LRMDA: variants seen among roughly 807,000 people sequenced by gnomAD.
The protein encoded by LRMDA is leucine-rich melanocyte differentiation-associated protein.
A neutral mutation model predicts 29.8 loss-of-function variants in LRMDA; 18 were observed. The ratio of observed to expected loss-of-function variants is 0.60; its 90% CI spans 0.42 to 0.90. LRMDA has a LOEUF of 0.90. Ranked by LOEUF, LRMDA falls within the 40% of genes least tolerant of loss-of-function variation. The probability of loss-of-function intolerance (pLI) is 0.00; values close to 1 mark genes in which losing one functional copy is unlikely to be tolerated. For missense variants in LRMDA, 273 were observed against 273.9 expected (o/e 1.00, Z 0.02); for synonymous variants, 125 against 109.4 (o/e 1.14, Z -0.89).
intron 6 of LRMDA, among the ~76,000 whole-genome samples, chr10:76,495,199 T>G (rs576324331): frequency 2.8e-4 from 43 of 151,608 alleles, no homozygotes; most frequent in Non-Finnish European, 5.2e-4. Context: ...ATGGAGGTTC[T>G]TTTCATTTCT....
intron 5 of LRMDA, among the ~76,000 whole-genome samples, chr10:76,217,560 G>A (rs1851750831): frequency 6.6e-6 from 1 of 152,146 alleles, no homozygotes; most frequent in African/African-American, 2.4e-5. Flanking sequence ...GCACAACTTG[G>A]GAACTTCTGG....
intron 2 of LRMDA, among the ~76,000 whole-genome samples, chr10:75,544,460 G>GA (rs1430259837): frequency 6.6e-6 from 1 of 152,070 alleles, no homozygotes; most frequent in Non-Finnish European, 1.5e-5. Context: ...GGATCTACTG[G>GA]AAAAAACCTT....
At chr10:75,977,509 T>A (rs1212517202) in intron 2 of LRMDA, among the ~76,000 whole-genome samples, 2 of 152,330 alleles carry the variant, frequency 1.3e-5, no homozygotes, top group East Asian at 3.9e-4. Context: ...ATCTTCTTTT[T>A]GGACATCTTT....
chr10:75,803,949 C>T lies in LRMDA; in HGVS notation c.132-232059C>T, dbSNP rs550112656. 9.2e-5 allele frequency among the ~76,000 whole-genome samples: 14 copies of T among 152,340 alleles called. No individual in the cohort carries two copies. The South Asian group carries it at 1.7e-3, about 18-fold the overall frequency. ...GCTGACCCATTCGCTGCTCCTGTCA[C>T]GTCAAAGATAGCGTGGCCTTTGTGG... On this transcript the variant is annotated intron_variant, in intron 2 of 6. Coordinates refer to ENST00000611255, the MANE Select transcript of LRMDA (RefSeq NM_001305581.2).
chr10:75,838,423 A>G (rs1438369029), intron 2 of LRMDA, among the ~76,000 whole-genome samples: 1 of 152,204 alleles, frequency 6.6e-6, no homozygotes, highest in Non-Finnish European at 1.5e-5. Context: ...CCAGAATAAA[A>G]CAATCACTTG....
intron 2 of LRMDA, among the ~76,000 whole-genome samples, chr10:75,753,598 G>A (rs367758321): frequency 4.6e-5 from 7 of 152,154 alleles, no homozygotes; most frequent in South Asian, 2.1e-4. Context: ...GGTGGGGAAC[G>A]GAATGCTGAC....
intron 2 of LRMDA, chr10:75,451,693 C>T (rs974475562): frequency 2.6e-5 from 4 of 152,070 alleles, no homozygotes; most frequent in Non-Finnish European, 5.9e-5. Context: ...TTTTGACTTA[C>T]TACACTTCAT....
At chr10:76,163,978 A>G (rs1223392747) in intron 5 of LRMDA, among the ~76,000 whole-genome samples, 4 of 152,196 alleles carry the variant, frequency 2.6e-5, no homozygotes, top group African/African-American at 4.8e-5. Context: ...CAGGGTGACA[A>G]TTATTCCAAT....
intron 6 of LRMDA, among the ~76,000 whole-genome samples, chr10:76,511,332 T>G (rs1227242329): frequency 6.6e-6 from 1 of 152,054 alleles, no homozygotes; most frequent in Non-Finnish European, 1.5e-5. Context: ...GTGGTTTGAC[T>G]TCTATGCTAG....
intron 2 of LRMDA, among the ~76,000 whole-genome samples, chr10:75,454,665 C>T (rs1022914482): frequency 2.6e-5 from 4 of 152,196 alleles, no homozygotes; most frequent in East Asian, 1.9e-4. Flanking sequence ...AGTTGGATCA[C>T]GAGTCTGTCC....
rs1843937200 is a variant in LRMDA at position 75,810,345 on chromosome 10, A to G, written c.132-225663A>G. Among the ~76,000 whole-genome samples, 5 of 152,292 alleles carry G rather than the reference A, an allele frequency of 3.3e-5. No homozygotes were observed. The South Asian group carries it at 1.0e-3, about 32-fold the overall frequency. Reference sequence around the variant, plus strand: ...CAGACTGGGTAGGTAGCAGGAGCGAAAGCAGGGCTGTTCGGAGGATGTCAG... The same window carrying G: ...CAGACTGGGTAGGTAGCAGGAGCGAGAGCAGGGCTGTTCGGAGGATGTCAG... On this transcript the variant is annotated intron_variant, in intron 2 of 6. Coordinates refer to ENST00000611255, the MANE Select transcript of LRMDA (RefSeq NM_001305581.2).
At chr10:75,674,275 C>A (rs1422800405) in intron 2 of LRMDA, among the ~76,000 whole-genome samples, 1 of 152,124 alleles carries the variant, frequency 6.6e-6, no homozygotes, top group Non-Finnish European at 1.5e-5. Flanking sequence ...TAACAGGGAG[C>A]AGATTTTAGG....
chr10:75,586,615 C>T (rs182353989), intron 2 of LRMDA, among the ~76,000 whole-genome samples: 18 of 152,176 alleles, frequency 1.2e-4, no homozygotes, highest in African/African-American at 3.9e-4. Flanking sequence ...GCTGGGAGTA[C>T]AGACATGAGG....
chr10:75,963,588 G>GA (rs1846805377), intron 2 of LRMDA, among the ~76,000 whole-genome samples: 1 of 152,182 alleles, frequency 6.6e-6, no homozygotes, highest in Admixed American at 6.5e-5. Context: ...ATAGATGTGG[G>GA]TGGCAGGGAG....
At chr10:75,782,680 T>A in intron 2 of LRMDA, 1 of 1,173,204 alleles carries the variant, frequency 8.5e-7, no homozygotes, top group Non-Finnish European at 1.1e-6. Flanking sequence ...CCGGTGCAGT[T>A]CCAAGTAGAG....
At chr10:75,497,526 G>A (rs890303344) in intron 2 of LRMDA, among the ~76,000 whole-genome samples, 5 of 151,226 alleles carry the variant, frequency 3.3e-5, no homozygotes, top group Non-Finnish European at 7.4e-5. Flanking sequence ...ATAAATACAC[G>A]CACCTGTGTA....
intron 2 of LRMDA, among the ~76,000 whole-genome samples, chr10:75,538,940 A>AT (rs1839984060): frequency 6.6e-6 from 1 of 152,222 alleles, no homozygotes; most frequent in Non-Finnish European, 1.5e-5. Flanking sequence ...TACAGGTTGC[A>AT]TGTTCAAGTT....
intron 5 of LRMDA, among the ~76,000 whole-genome samples, chr10:76,146,778 C>G (rs1393460475): frequency 6.6e-6 from 1 of 152,116 alleles, no homozygotes; most frequent in Non-Finnish European, 1.5e-5. Context: ...TTCTTCCTAG[C>G]CTTGATAGTC....
intron 2 of LRMDA, among the ~76,000 whole-genome samples, chr10:75,930,541 A>G (rs1193548550): frequency 6.6e-6 from 1 of 152,192 alleles, no homozygotes; most frequent in Admixed American, 6.5e-5. Context: ...GGTGATGATC[A>G]TGTCTTTGTT....
Sources: gnomAD v4.1 joint callset for allele counts (sites outside exome capture counted in the v4.1 genomes callset) on GRCh38, gnomAD v4.1.1 for gene constraint, MANE v1.5 for transcripts, NCBI Gene and HGNC (gene_info 2026-07-23, HGNC 2026-07-21) for gene names.